The following HDAC9 variants were observed in gnomAD, a reference collection of about 807,000 sequenced individuals.
HDAC9 encodes the protein MEF-2 interacting transcription repressor (MITR) protein.
Under a neutral mutation model 139.4 loss-of-function variants are expected in HDAC9, and 41 were observed. That is an observed-to-expected ratio of 0.29 (90% CI 0.23 to 0.38). HDAC9 has a LOEUF of 0.38. Among genes scored for constraint, HDAC9 ranks in the 10% least tolerant of loss-of-function variants. The probability of loss-of-function intolerance (pLI) is 1.00; values close to 1 mark genes in which losing one functional copy is unlikely to be tolerated. For missense variants in HDAC9, 1,147 were observed against 1,297.0 expected, an observed-to-expected ratio of 0.88 and a Z score of 1.78; for synonymous variants, 517 against 476.2, an observed-to-expected ratio of 1.09 and a Z score of -1.12.
intron 1 of HDAC9, among the ~76,000 whole-genome samples, chr7:18,149,783 T>C (rs1786631069): frequency 1.3e-5 from 2 of 152,142 alleles, no homozygotes; most frequent in Admixed American, 1.3e-4. Flanking sequence ...CTCGATCTCC[T>C]GACCTTGTGA....
At chr7:18,405,965 C>T (rs1332070428) in intron 1 of HDAC9, among the ~76,000 whole-genome samples, 7 of 152,198 alleles carry the variant, frequency 4.6e-5, no homozygotes, top group Admixed American at 3.9e-4. Context: ...CTCCCTTCCC[C>T]TCTGGGATTC....
At chr7:18,680,544 A>G (rs950474136) in intron 12 of HDAC9, among the ~76,000 whole-genome samples, 1 of 151,980 alleles carries the variant, frequency 6.6e-6, no homozygotes, top group Non-Finnish European at 1.5e-5. Flanking sequence ...AGTTTTCAAC[A>G]TTTGGCATTC....
At chr7:18,728,538 C>G (rs141818888) in intron 13 of HDAC9, among the ~76,000 whole-genome samples, 1 of 151,998 alleles carries the variant, frequency 6.6e-6, no homozygotes, top group African/African-American at 2.4e-5. Context: ...ATTCTAGTTC[C>G]GTGTTCTCAA....
chr7:18,121,450 T>G (rs1784360017), intron 1 of HDAC9, among the ~76,000 whole-genome samples: 1 of 151,654 alleles, frequency 6.6e-6, no homozygotes, highest in South Asian at 2.1e-4. Flanking sequence ...ATTTACTGGG[T>G]GTTCATTCTG....
intron 6 of HDAC9, among the ~76,000 whole-genome samples, chr7:18,600,488 T>C (rs1833661839): frequency 6.6e-6 from 1 of 152,210 alleles, no homozygotes; most frequent in Non-Finnish European, 1.5e-5. Flanking sequence ...CTAGATTCAT[T>C]GTTTTCCATA....
intron 1 of HDAC9, among the ~76,000 whole-genome samples, chr7:18,110,835 A>C (rs1017092084): frequency 6.6e-6 from 1 of 152,184 alleles, no homozygotes; most frequent in Non-Finnish European, 1.5e-5. Flanking sequence ...GATGGGGAAG[A>C]CAAAATGGAT....
At chr7:18,287,892 T>G (rs538302666), upstream of HDAC9, among the ~76,000 whole-genome samples, 2 of 152,194 alleles carry the variant, frequency 1.3e-5, no homozygotes, top group South Asian at 2.1e-4. Flanking sequence ...GACCCGGAAG[T>G]TGTGTCCTGC....
intron 21 of HDAC9, among the ~76,000 whole-genome samples, chr7:18,872,693 T>C (rs1372483790): frequency 2.0e-5 from 3 of 152,150 alleles, no homozygotes; most frequent in African/African-American, 4.8e-5. Flanking sequence ...GGCAATCTTG[T>C]CTCCTCTCCT....
chr7:18,828,519 C>A (rs890566322), intron 17 of HDAC9, among the ~76,000 whole-genome samples: 2 of 152,106 alleles, frequency 1.3e-5, no homozygotes, highest in African/African-American at 4.8e-5. Flanking sequence ...TTATAAAATT[C>A]CAGAATGCAG....
chr7:18,669,620 C>T lies in HDAC9; in HGVS notation c.1731+3144C>T, dbSNP rs111229200. ...GCTAATTATAATTTCCTGAAATTTG[C>T]CTTTGAACTATAAAATTACAGGACT... On this transcript the variant is annotated intron_variant, in intron 12 of 25. Transcript: ENST00000686413. Among the ~76,000 whole-genome samples, 36 of 151,766 alleles carry T rather than the reference C, an allele frequency of 2.4e-4. 2 individuals are homozygous for T. The highest frequency in any genetic ancestry group is 8.7e-4 in the African/African-American group (36 of 41,466).
intron 3 of HDAC9, among the ~76,000 whole-genome samples, 191 bp downstream of exon 3, chr7:18,585,713 A>C (rs776470337): frequency 6.6e-5 from 10 of 152,174 alleles, no homozygotes; most frequent in Non-Finnish European, 8.8e-5. Flanking sequence ...TTTGCTTCTC[A>C]GAGGGACCTT....
In HDAC9 at chr7:18,998,287, A is replaced by G. The variant is rs1786576074; in HGVS notation, c.*2225A>G. 1 of 151,790 alleles carries G rather than the reference A, an allele frequency of 6.6e-6. No homozygotes were observed. Among genetic ancestry groups the G allele is most frequent in the Non-Finnish European group, 1.5e-5 (1 of 68,036 alleles). The allele number at this position is 151,790 out of a possible 1,614,324, so 9.4% of individuals were successfully genotyped here. Reference sequence around the variant, plus strand: ...TGTAATGCAAACATGCTAATTTACTAAAGTTTCCTACAACAGTTTAGCCAC... The same window carrying G: ...TGTAATGCAAACATGCTAATTTACTGAAGTTTCCTACAACAGTTTAGCCAC... On this transcript the variant is annotated 3_prime_UTR_variant, in exon 26 of 26. Coordinates refer to ENST00000686413, the MANE Select transcript of HDAC9 (RefSeq NM_178425.4).
At chr7:18,192,139 G>A (rs1382435176) in intron 2 of HDAC9, among the ~76,000 whole-genome samples, 1 of 152,202 alleles carries the variant, frequency 6.6e-6, no homozygotes, top group Non-Finnish European at 1.5e-5. Flanking sequence ...GGGTGTCACA[G>A]TAGAAGGTGG....
chr7:18,916,022 G>GGAAAAAAAAAAAAAAAAAAAAAAAAA (rs1491394538), intron 22 of HDAC9, among the ~76,000 whole-genome samples: 1 of 138,122 alleles, frequency 7.2e-6, no homozygotes, highest in Admixed American at 7.3e-5. Flanking sequence ...CCCCCCGCTG[G>GGAAAAAAAAAAAAAAAAAAAAAAAAA]AAAAAAAAAA....
chr7:18,242,459 G>T (rs1794250017), intron 2 of HDAC9, among the ~76,000 whole-genome samples: 1 of 152,126 alleles, frequency 6.6e-6, no homozygotes, highest in Non-Finnish European at 1.5e-5. Context: ...TCCTTGAGAT[G>T]ATCTAACCTG....
At chr7:18,126,211 T>C (rs1257012228) in intron 1 of HDAC9, among the ~76,000 whole-genome samples, 1 of 152,220 alleles carries the variant, frequency 6.6e-6, no homozygotes, top group Admixed American at 6.5e-5. Flanking sequence ...ATACTACATT[T>C]AGCATTCTTA....
At chr7:18,919,641 G>T (rs921358132) in intron 22 of HDAC9, among the ~76,000 whole-genome samples, 3 of 151,942 alleles carry the variant, frequency 2.0e-5, no homozygotes, top group Non-Finnish European at 4.4e-5. Flanking sequence ...GAGGTGGGAG[G>T]CAGGGGAGAA....
Position 19,000,992 on chromosome 7 carries a change from G to C in HDAC9, c.*4930G>C, listed in dbSNP as rs968862542. 6.6e-6 allele frequency: 1 copy of C among 152,072 alleles called. No individual in the cohort carries two copies. The highest frequency in any genetic ancestry group is 2.4e-5 in the African/African-American group (1 of 41,414). The allele number at this position is 152,072 out of a possible 1,614,324, so 9.4% of individuals were successfully genotyped here. On this transcript the variant is annotated 3_prime_UTR_variant, in exon 26 of 26. Coordinates refer to ENST00000686413, the MANE Select transcript of HDAC9 (RefSeq NM_178425.4). ...TTTTTTATCTCTTCTCTTTTCAAGA[G>C]TCACTTGACTTTTTCAAATATTCTT...
At chr7:18,417,458 A>AT (rs1448968871) in intron 1 of HDAC9, among the ~76,000 whole-genome samples, 2 of 151,780 alleles carry the variant, frequency 1.3e-5, no homozygotes, top group Non-Finnish European at 2.9e-5. Flanking sequence ...AATCCTGATA[A>AT]TTTTTTTTGG....
Sources: gnomAD v4.1 joint callset for allele counts (sites outside exome capture counted in the v4.1 genomes callset) on GRCh38, gnomAD v4.1.1 for gene constraint, MANE v1.5 for transcripts, NCBI Gene and HGNC (gene_info 2026-07-23, HGNC 2026-07-21) for gene names.